The following PTPRD variants were observed in gnomAD, a reference collection of about 807,000 sequenced individuals.
PTPRD encodes receptor-type tyrosine-protein phosphatase delta.
Under a neutral mutation model 214.5 loss-of-function variants are expected in PTPRD, and 34 were observed. The ratio of observed to expected loss-of-function variants is 0.16; its 90% CI spans 0.12 to 0.21. The LOEUF (loss-of-function observed/expected upper bound fraction) is 0.21, where lower values mean the gene tolerates loss of function less well. PTPRD is among the 10% of genes least tolerant of loss of function. The pLI, the probability that PTPRD is intolerant of heterozygous loss-of-function variation, is 1.00. For missense variants in PTPRD, 2,545 were observed against 2,398.7 expected (o/e 1.06, Z -1.27); for synonymous variants, 1,128 against 845.7 (o/e 1.33, Z -5.79).
intron 2 of PTPRD, among the ~76,000 whole-genome samples, chr9:10,429,029 T>C (rs1226128916): frequency 2.0e-5 from 3 of 152,022 alleles, no homozygotes; most frequent in Non-Finnish European, 2.9e-5. Flanking sequence ...AAGTGGAAGA[T>C]ACTATCATCA....
intron 8 of PTPRD, among the ~76,000 whole-genome samples, chr9:9,411,009 CT>C (rs1175299488): frequency 6.6e-6 from 1 of 151,630 alleles, no homozygotes; most frequent in Non-Finnish European, 1.5e-5. Flanking sequence ...TACATGTTTG[CT>C]TTTTTTTCCC....
chr9:10,171,638 C>T (rs1287973197), intron 3 of PTPRD, among the ~76,000 whole-genome samples: 2 of 152,136 alleles, frequency 1.3e-5, no homozygotes, highest in Non-Finnish European at 2.9e-5. Context: ...CATTCTCCTG[C>T]CTCAGCCTCC....
chr9:10,386,814 A>G (rs908963709), intron 2 of PTPRD, among the ~76,000 whole-genome samples: 6 of 151,852 alleles, frequency 4.0e-5, no homozygotes, highest in African/African-American at 1.4e-4. Context: ...TGAGTATGTT[A>G]TATTAGGTGT....
intron 11 of PTPRD, among the ~76,000 whole-genome samples, chr9:8,843,982 G>C (rs2097629985): frequency 6.6e-6 from 1 of 152,106 alleles, no homozygotes; most frequent in Non-Finnish European, 1.5e-5. Flanking sequence ...ATTGGTATCT[G>C]AAAAATGGTC....
intron 5 of PTPRD, among the ~76,000 whole-genome samples, chr9:9,839,777 G>A (rs1231290275): frequency 1.3e-5 from 2 of 152,098 alleles, no homozygotes; most frequent in African/African-American, 2.4e-5. Flanking sequence ...AAAGCTGGAG[G>A]CATCACGCTA....
At chr9:8,885,786 C>T (rs1316991938) in intron 11 of PTPRD, among the ~76,000 whole-genome samples, 9 of 152,052 alleles carry the variant, frequency 5.9e-5, no homozygotes, top group African/African-American at 9.7e-5. Flanking sequence ...CGTGACCCAC[C>T]GTGCCCGGCC....
At chr9:8,482,790 C>A (rs189971279) in intron 30 of PTPRD, among the ~76,000 whole-genome samples, 1 of 152,226 alleles carries the variant, frequency 6.6e-6, no homozygotes, top group African/African-American at 2.4e-5. Flanking sequence ...CTCTGGGATC[C>A]AGCCGTATGG....
At chr9:8,973,457 A>G (rs1774048997) in intron 11 of PTPRD, among the ~76,000 whole-genome samples, 1 of 151,956 alleles carries the variant, frequency 6.6e-6, no homozygotes, top group African/African-American at 2.4e-5. Flanking sequence ...TCTTTATCCA[A>G]TCCACCGTTG....
chr9:9,637,950 T>C (rs1593783303), intron 7 of PTPRD, among the ~76,000 whole-genome samples: 1 of 152,154 alleles, frequency 6.6e-6, no homozygotes, highest in African/African-American at 2.4e-5. Context: ...CATGTGAACA[T>C]CACCAAGGTT....
intron 9 of PTPRD, among the ~76,000 whole-genome samples, chr9:9,267,113 C>G (rs1031343881): frequency 2.0e-5 from 3 of 151,044 alleles, no homozygotes; most frequent in African/African-American, 4.8e-5. Context: ...GATGGATCAC[C>G]ACGCATTATA....
At chr9:9,138,544 T>C (rs940662088) in intron 10 of PTPRD, among the ~76,000 whole-genome samples, 13 of 150,332 alleles carry the variant, frequency 8.6e-5, no homozygotes, top group African/African-American at 3.3e-4. Context: ...TACCCATTTC[T>C]TTCACTTTTA....
intron 8 of PTPRD, among the ~76,000 whole-genome samples, chr9:9,501,365 A>C (rs1365365577): frequency 6.6e-6 from 1 of 151,928 alleles, no homozygotes; most frequent in African/African-American, 2.4e-5. Flanking sequence ...AAACAATATA[A>C]CCAGAGGTAA....
At chr9:10,449,365 C>T (rs1370278583) in intron 2 of PTPRD, among the ~76,000 whole-genome samples, 1 of 151,924 alleles carries the variant, frequency 6.6e-6, no homozygotes, top group East Asian at 1.9e-4. Flanking sequence ...GGCTGGAGTG[C>T]AGTGGCGTGA....
intron 3 of PTPRD, among the ~76,000 whole-genome samples, chr9:10,282,054 T>C (rs962878795): frequency 2.7e-5 from 4 of 150,756 alleles, no homozygotes; most frequent in African/African-American, 4.9e-5. Context: ...AATTTTCCAA[T>C]AGATAATTTT....
At chr9:10,204,238 G>A (rs1183396676) in intron 3 of PTPRD, among the ~76,000 whole-genome samples, 3 of 151,740 alleles carry the variant, frequency 2.0e-5, no homozygotes, top group Admixed American at 6.6e-5. Flanking sequence ...CCTCCTCCAC[G>A]TGAAAATCTC....
intron 9 of PTPRD, among the ~76,000 whole-genome samples, chr9:9,312,892 G>T (rs147466231): frequency 6.6e-6 from 1 of 152,128 alleles, no homozygotes; most frequent in African/African-American, 2.4e-5. Flanking sequence ...CGTGTTAGTC[G>T]CAGGACATCC....
chr9:10,573,797 G>T (rs1202509774), intron 2 of PTPRD, among the ~76,000 whole-genome samples: 1 of 152,168 alleles, frequency 6.6e-6, no homozygotes, highest in Non-Finnish European at 1.5e-5. Flanking sequence ...AGAGAAGAAA[G>T]GCAAATGTGA....
chr9:10,016,346 T>C (rs1479220684), intron 4 of PTPRD, among the ~76,000 whole-genome samples: 1 of 149,216 alleles, frequency 6.7e-6, no homozygotes, highest in Non-Finnish European at 1.5e-5. Flanking sequence ...ATGAGATAGA[T>C]GATAGAAAGA....
chr9:8,453,891 G>A (rs1449451165), intron 33 of PTPRD, among the ~76,000 whole-genome samples: 1 of 152,140 alleles, frequency 6.6e-6, no homozygotes, highest in Non-Finnish European at 1.5e-5. Context: ...TTGGGAGAAA[G>A]GTAGGTGATC....
Sources: allele counts gnomAD v4.1 joint callset (sites outside exome capture counted in the v4.1 genomes callset), GRCh38; gene constraint gnomAD v4.1.1; transcripts MANE v1.5; gene names NCBI Gene and HGNC (gene_info 2026-07-23, HGNC 2026-07-21).